The following RALGAPA2 variants were observed in gnomAD, a reference collection of about 807,000 sequenced individuals.
The protein encoded by RALGAPA2 is ral GTPase-activating protein subunit alpha-2.
RALGAPA2 carries 139 observed loss-of-function variants against 230.4 expected under a neutral mutation model. That is an observed-to-expected ratio of 0.60 (90% CI 0.53 to 0.69). The LOEUF (loss-of-function observed/expected upper bound fraction) is 0.69, where lower values mean the gene tolerates loss of function less well. Ranked by LOEUF, RALGAPA2 falls within the 30% of genes least tolerant of loss-of-function variation. RALGAPA2 has a pLI of 0.00. For synonymous variants in RALGAPA2, 847 were observed against 837.8 expected, an observed-to-expected ratio of 1.01 and a Z score of -0.19; for missense variants, 2,163 against 2,276.0, an observed-to-expected ratio of 0.95 and a Z score of 1.01.
intron 26 of RALGAPA2, among the ~76,000 whole-genome samples, chr20:20,534,488 C>T (rs2063449427): frequency 6.7e-6 from 1 of 150,284 alleles, no homozygotes; most frequent in Admixed American, 6.6e-5. Context: ...GCTCATATAC[C>T]AGTATATTTT....
At chr20:20,527,002 T>A (rs753797981) in intron 27 of RALGAPA2, among the ~76,000 whole-genome samples, 4 of 152,194 alleles carry the variant, frequency 2.6e-5, no homozygotes, top group Non-Finnish European at 4.4e-5. Context: ...TTCCATTGAT[T>A]GCGAGGCAGC....
intron 10 of RALGAPA2, among the ~76,000 whole-genome samples, chr20:20,625,405 CTTTG>C (rs1376793069): frequency 3.3e-5 from 5 of 152,138 alleles, no homozygotes; most frequent in African/African-American, 1.2e-4. Context: ...TACAGAGAGA[CTTTG>C]TTTATCTAAT....
intron 1 of RALGAPA2, among the ~76,000 whole-genome samples, chr20:20,702,790 C>A (rs1316966896): frequency 6.6e-6 from 1 of 152,208 alleles, no homozygotes; most frequent in African/African-American, 2.4e-5. Flanking sequence ...TATGTGTCAT[C>A]ACCTGAAATC....
chr20:20,467,683 G>T (rs2061450046), intron 37 of RALGAPA2, among the ~76,000 whole-genome samples: 1 of 152,176 alleles, frequency 6.6e-6, no homozygotes, highest in African/African-American at 2.4e-5. Context: ...GAAGACGGAA[G>T]TCATTCAGAT....
Position 20,571,954 on chromosome 20 carries a change from A to G in RALGAPA2, c.2902-8T>C, listed in dbSNP as rs572371191. Reference sequence around the variant, plus strand: ...TGCTAGATTATCCCGTATCTAATTCACAAAGAGGAGAATTTTAGGGTAGGT... The same window carrying G: ...TGCTAGATTATCCCGTATCTAATTCGCAAAGAGGAGAATTTTAGGGTAGGT... On this transcript the variant is annotated splice_region_variant and splice_polypyrimidine_tract_variant and intron_variant, in intron 21 of 39. Coordinates refer to ENST00000202677, the MANE Select transcript of RALGAPA2 (RefSeq NM_020343.4). 3.8e-6 allele frequency: 6 copies of G among 1,578,774 alleles called. No individual in the cohort carries two copies. In the South Asian group the frequency reaches 6.8e-5, roughly 18 times the overall value.
In RALGAPA2 at chr20:20,503,023, T is replaced by C. The variant is rs867880705; in HGVS notation, c.5208+328A>G. Reference sequence around the variant, plus strand: ...CTGAGCAGCTGCACACCTGCACTTATGTTGACAGATGCTGCCAAATCGCCC... The same window carrying C: ...CTGAGCAGCTGCACACCTGCACTTACGTTGACAGATGCTGCCAAATCGCCC... On this transcript the variant is annotated intron_variant, in intron 35 of 39. Coordinates refer to ENST00000202677, the MANE Select transcript of RALGAPA2 (RefSeq NM_020343.4). 3.9e-5 allele frequency among the ~76,000 whole-genome samples: 6 copies of C among 152,282 alleles called. No individual in the cohort carries two copies. The South Asian group carries it at 6.2e-4, about 16-fold the overall frequency.
chr20:20,604,026 T>C (rs2146226738), intron 15 of RALGAPA2, among the ~76,000 whole-genome samples: 2 of 152,348 alleles, frequency 1.3e-5, no homozygotes, highest in Middle Eastern at 6.8e-3. Flanking sequence ...TGATTCTCTA[T>C]TTGATGTAAC....
chr20:20,515,767 G>A (rs979968236), intron 31 of RALGAPA2, among the ~76,000 whole-genome samples: 3 of 151,710 alleles, frequency 2.0e-5, no homozygotes, highest in African/African-American at 7.3e-5. Flanking sequence ...GGGTTGCAGG[G>A]TGAAAGATGC....
chr20:20,621,178 T>C (rs187033982), intron 10 of RALGAPA2, among the ~76,000 whole-genome samples: 12 of 152,142 alleles, frequency 7.9e-5, no homozygotes, highest in Admixed American at 7.2e-4. Flanking sequence ...AAATAACTTT[T>C]ATATTCTGAA....
At position 20,680,612 on chromosome 20, in the gene RALGAPA2, T is replaced by C. The variant is rs1221167056; in HGVS notation, c.217+79A>G. ...TGGCAAGAAAGAAAGCTTAAAAATGTATAATTTGTGGCTCATGATATATAC... is the reference window on the plus strand; with the variant it reads ...TGGCAAGAAAGAAAGCTTAAAAATGCATAATTTGTGGCTCATGATATATAC... On this transcript the variant is annotated intron_variant, in intron 2 of 39. Coordinates refer to ENST00000202677, the MANE Select transcript of RALGAPA2 (RefSeq NM_020343.4). 3.5e-6 allele frequency: 5 copies of C among 1,427,998 alleles called. No homozygotes were observed. In the East Asian group the frequency reaches 1.4e-4, roughly 39 times the overall value. 88.5% of individuals were successfully genotyped at this position (1,427,998 alleles called of 1,614,324 possible).
intron 37 of RALGAPA2, among the ~76,000 whole-genome samples, chr20:20,421,397 G>A (rs559907974): frequency 5.9e-5 from 9 of 152,202 alleles, no homozygotes; most frequent in Non-Finnish European, 1.3e-4. Flanking sequence ...CAGGCCAGGC[G>A]CAGTGGCTCA....
At chr20:20,643,688 A>G (rs2146532378) in intron 4 of RALGAPA2, 139 bp from the exon 5 acceptor site, 1 of 787,890 alleles carries the variant, frequency 1.3e-6, no homozygotes, top group Non-Finnish European at 1.8e-6. Context: ...AAGCAAAGCA[A>G]TGTCACAGAG....
rs760039857 is a variant in RALGAPA2, at chr20:20,639,793, C to A, written c.658G>T (p.Val220Phe). ...FFLQILLKYM[V>F]IQAASLEWKN... is the part of the protein sequence containing the mutation. Reference sequence around the variant, plus strand: ...CATAATTTTTCTCTGACCTGAATAACCATATACTTCAACAGTATTTGAAGA... The same window carrying A: ...CATAATTTTTCTCTGACCTGAATAAACATATACTTCAACAGTATTTGAAGA... Residue 220 changes from valine (V) to phenylalanine (F), a missense_variant, in exon 7 of 40, where the codon GTT becomes TTT. Transcript: ENST00000202677. 2 of 1,602,646 alleles carry A rather than the reference C, an allele frequency of 1.2e-6. No homozygotes were observed. The highest frequency in any genetic ancestry group is 1.7e-6 in the Non-Finnish European group (2 of 1,169,722).
chr20:20,637,159 T>C (rs1195374109), intron 8 of RALGAPA2, among the ~76,000 whole-genome samples: 1 of 152,240 alleles, frequency 6.6e-6, no homozygotes, highest in Non-Finnish European at 1.5e-5. Flanking sequence ...GGTTCCCTTT[T>C]ACTGCTGTAA....
intron 37 of RALGAPA2, among the ~76,000 whole-genome samples, chr20:20,429,420 C>T (rs2060456228): frequency 6.6e-6 from 1 of 152,130 alleles, no homozygotes; most frequent in Non-Finnish European, 1.5e-5. Flanking sequence ...TAGCACAAAA[C>T]TGGCCATTTT....
chr20:20,489,135 T>TA (rs1352718800), intron 36 of RALGAPA2, among the ~76,000 whole-genome samples: 1 of 152,230 alleles, frequency 6.6e-6, no homozygotes, highest in African/African-American at 2.4e-5. Context: ...AATTAAAACA[T>TA]AAAGATTTAA....
chr20:20,494,052 C>CA (rs2062137116), intron 36 of RALGAPA2, among the ~76,000 whole-genome samples: 1 of 151,988 alleles, frequency 6.6e-6, no homozygotes, highest in South Asian at 2.1e-4. Flanking sequence ...GTAGTAATAA[C>CA]AAAAAACAAC....
intron 8 of RALGAPA2, among the ~76,000 whole-genome samples, chr20:20,636,454 T>C (rs935561610): frequency 6.6e-6 from 1 of 152,176 alleles, no homozygotes; most frequent in Non-Finnish European, 1.5e-5. Flanking sequence ...CACATATATA[T>C]AGCTAAAGAA....
chr20:20,698,191 A>G (rs928483550), intron 1 of RALGAPA2, among the ~76,000 whole-genome samples: 1 of 152,114 alleles, frequency 6.6e-6, no homozygotes, highest in Non-Finnish European at 1.5e-5. Context: ...GGGTGATGAA[A>G]ATGTTTTGGA....
Sources: allele counts gnomAD v4.1 joint callset (sites outside exome capture counted in the v4.1 genomes callset), GRCh38; gene constraint gnomAD v4.1.1; transcripts MANE v1.5; gene names NCBI Gene and HGNC (gene_info 2026-07-23, HGNC 2026-07-21).